SLC4A1AP: variants seen among roughly 807,000 people sequenced by gnomAD.
SLC4A1AP encodes solute carrier family 4 member 1 adaptor protein, also known as kanadaptin.
A neutral mutation model predicts 89.7 loss-of-function variants in SLC4A1AP; 64 were observed. The ratio of observed to expected loss-of-function variants is 0.71; its 90% CI spans 0.58 to 0.88. The LOEUF is 0.88. Among genes scored for constraint, SLC4A1AP ranks in the 40% least tolerant of loss-of-function variants. The pLI is 0.00. For synonymous variants in SLC4A1AP, 366 were observed against 353.3 expected, an observed-to-expected ratio of 1.04 and a Z score of -0.40; for missense variants, 931 against 965.0, an observed-to-expected ratio of 0.96 and a Z score of 0.47.
intron 5 of SLC4A1AP, among the ~76,000 whole-genome samples, chr2:27,670,272 AC>A (rs1438861500): frequency 4.6e-5 from 7 of 152,068 alleles, no homozygotes; most frequent in Admixed American, 4.6e-4. Flanking sequence ...TGCTGGGATT[AC>A]AGGCATGAGC....
intron 3 of SLC4A1AP, among the ~76,000 whole-genome samples, chr2:27,668,269 C>T (rs996360340): frequency 1.3e-5 from 2 of 152,132 alleles, no homozygotes; most frequent in African/African-American, 2.4e-5. Flanking sequence ...CTGCGTCAGC[C>T]TCCCGAGTAG....
Position 27,677,721 on chromosome 2 carries a change from A to G in SLC4A1AP, c.1577-17A>G. ...AGGATCATCTTTCTAAACATGTGTT[A>G]TTCTTTTCTTGGACAGTTCTATCAG... is the stretch of plus-strand genomic sequence containing the variant. On this transcript the variant is annotated splice_polypyrimidine_tract_variant and intron_variant, in intron 7 of 13. Transcript: ENST00000613058. 1.3e-6 allele frequency: 2 copies of G among 1,561,880 alleles called. No individual in the cohort carries two copies. Among genetic ancestry groups the G allele is most frequent in the Non-Finnish European group, 1.7e-6 (2 of 1,157,644 alleles).
chr2:27,670,352 T>C (rs554010221), intron 5 of SLC4A1AP, among the ~76,000 whole-genome samples: 22 of 152,098 alleles, frequency 1.4e-4, no homozygotes, highest in Non-Finnish European at 2.5e-4. Flanking sequence ...TAATTGTGTA[T>C]TTTGCTTTTT....
At chr2:27,693,236 ATT>A (rs35289345) in intron 12 of SLC4A1AP, 36 of 140,856 alleles carry the variant, frequency 2.6e-4, no homozygotes, top group Non-Finnish European at 2.5e-4. Context: ...CCAGCCTGTG[ATT>A]TTTTTTTTTT....
intron 12 of SLC4A1AP, among the ~76,000 whole-genome samples, chr2:27,690,803 CTGTTGCTGTGA>C (rs1558510944): frequency 6.6e-6 from 1 of 152,092 alleles, no homozygotes; most frequent in Non-Finnish European, 1.5e-5. Flanking sequence ...GTTTTTAATT[CTGTTGCTGTGA>C]TGTATCATAT....
chr2:27,694,025 A>G (rs1675832702), intron 13 of SLC4A1AP, among the ~76,000 whole-genome samples: 1 of 152,186 alleles, frequency 6.6e-6, no homozygotes, highest in South Asian at 2.1e-4. Flanking sequence ...GTTTTTTGGA[A>G]AAAGTCCTTG....
chr2:27,674,045 T>A (rs1485199073), intron 5 of SLC4A1AP, among the ~76,000 whole-genome samples: 1 of 151,896 alleles, frequency 6.6e-6, no homozygotes, highest in Admixed American at 6.6e-5. Context: ...TGAGTGAGTC[T>A]GTCTCACGAG....
rs753462695 is a variant in SLC4A1AP at position 27,664,029 on chromosome 2, AG to A, written c.278del (p.Ser93IlefsTer77). 5 of 1,614,092 alleles carry A rather than the reference AG, an allele frequency of 3.1e-6. No homozygotes were observed. Among genetic ancestry groups the A allele is most frequent in the Non-Finnish European group, 4.2e-6 (5 of 1,180,042 alleles). The stretch of plus-strand genomic sequence containing the variant: ...GGCGCGGAGTAAGGCCCCGGCCAGC[AG>A]TTCTTCAAACCCTGAGGAGGTACAG... On this transcript the variant is annotated frameshift_variant, in exon 1 of 14. Transcript: ENST00000613058. LOFTEE classifies it high-confidence loss of function.
intron 4 of SLC4A1AP, 46 bp from the exon 5 acceptor site, chr2:27,669,202 A>G: frequency 1.3e-6 from 2 of 1,552,694 alleles, no homozygotes; most frequent in Non-Finnish European, 1.7e-6. Context: ...TTTTCTTGAG[A>G]ATTGGAGCTT....
chr2:27,681,178 C>T (rs888666559), intron 8 of SLC4A1AP, among the ~76,000 whole-genome samples: 29 of 152,184 alleles, frequency 1.9e-4, no homozygotes, highest in African/African-American at 6.8e-4. Context: ...CCAGAGCCTT[C>T]CTGAGGCCTG....
At chr2:27,675,748 A>G (rs1453964270) in intron 6 of SLC4A1AP, 56 bp downstream of exon 6, 2 of 1,114,564 alleles carry the variant, frequency 1.8e-6, no homozygotes, top group South Asian at 2.3e-5. Flanking sequence ...TTTTAATAAC[A>G]TAATGTATTA....
At chr2:27,681,330 AC>A (rs1675616004) in intron 8 of SLC4A1AP, among the ~76,000 whole-genome samples, 1 of 152,184 alleles carries the variant, frequency 6.6e-6, no homozygotes, top group Admixed American at 6.5e-5. Context: ...TAAGAGTGCT[AC>A]TAAGGGGATA....
At chr2:27,694,300 G>A (rs1478315438) in intron 13 of SLC4A1AP, among the ~76,000 whole-genome samples, 1 of 152,138 alleles carries the variant, frequency 6.6e-6, no homozygotes, top group Non-Finnish European at 1.5e-5. Context: ...GCATTCTATA[G>A]AGATTGTACC....
intron 8 of SLC4A1AP, among the ~76,000 whole-genome samples, chr2:27,680,786 A>AAACAACAACAACAAC (rs34406797): frequency 1.4e-5 from 2 of 147,388 alleles, no homozygotes; most frequent in African/African-American, 5.1e-5. Context: ...CTGCTTTGGA[A>AAACAACAACAACAAC]AACAACAACA....
At chr2:27,669,364 T>G in exon 5 of SLC4A1AP, 1 of 1,611,082 alleles carries the variant, frequency 6.2e-7, no homozygotes, top group South Asian at 1.1e-5. Context: ...CTTGACACTT[T>G]GGGATTGCTT....
intron 5 of SLC4A1AP, among the ~76,000 whole-genome samples, chr2:27,673,190 G>A (rs1301891382): frequency 8.6e-5 from 13 of 151,802 alleles, no homozygotes; most frequent in Admixed American, 7.9e-4. Context: ...AATCACTTTG[G>A]CTCTCAGCTT....
exon 1 of SLC4A1AP, chr2:27,664,174 C>T: frequency 6.2e-7 from 1 of 1,614,192 alleles, no homozygotes; most frequent in African/African-American, 1.3e-5. Flanking sequence ...CCCCCGACAG[C>T]GGTTTCTTCC....
intron 5 of SLC4A1AP, among the ~76,000 whole-genome samples, chr2:27,669,850 C>T (rs1415907053): frequency 6.6e-6 from 1 of 152,042 alleles, no homozygotes; most frequent in East Asian, 1.9e-4. Context: ...CCACCCTGCA[C>T]AACTAATTTT....
intron 5 of SLC4A1AP, among the ~76,000 whole-genome samples, chr2:27,671,656 C>G (rs1160528815): frequency 6.6e-6 from 1 of 152,172 alleles, no homozygotes; most frequent in Non-Finnish European, 1.5e-5. Context: ...CCAGGGTTGA[C>G]TTTTCTGTTT....
Sources: allele counts gnomAD v4.1 joint callset (sites outside exome capture counted in the v4.1 genomes callset), GRCh38; gene constraint gnomAD v4.1.1; transcripts MANE v1.5; gene names NCBI Gene and HGNC (gene_info 2026-07-23, HGNC 2026-07-21).